Variants in HTT observed in about 807,000 individuals in gnomAD.
HTT encodes huntingtin.
A neutral mutation model predicts 362.3 loss-of-function variants in HTT; 104 were observed. The observed-to-expected ratio is 0.29, with a 90% CI of 0.24 to 0.34. The LOEUF (loss-of-function observed/expected upper bound fraction) is 0.34. Among genes scored for constraint, HTT ranks in the 10% least tolerant of loss-of-function variants. The pLI is 1.00. For missense variants in HTT, 3,301 were observed against 3,928.6 expected, an observed-to-expected ratio of 0.84 and a Z score of 4.27; for synonymous variants, 1,577 against 1,548.7, an observed-to-expected ratio of 1.02 and a Z score of -0.43.
chr4:3,238,730 G>GGGGCCCCC, intron 65 of HTT, 88 bp from the exon 66 acceptor site: 5 of 1,097,024 alleles, frequency 4.6e-6, no homozygotes, highest in Non-Finnish European at 6.6e-6. Context: ...AATGCCTCTG[G>GGGGCCCCC]CCCCCACCCC....
At chr4:3,125,078 A>T (rs548210081) in intron 10 of HTT, among the ~76,000 whole-genome samples, 1 of 152,320 alleles carries the variant, frequency 6.6e-6, no homozygotes, top group South Asian at 2.1e-4. Flanking sequence ...ATTGTTAATC[A>T]TAAAGTCTAG....
chr4:3,167,655 C>A (rs1264230518), intron 29 of HTT, among the ~76,000 whole-genome samples: 1 of 151,584 alleles, frequency 6.6e-6, no homozygotes, highest in Non-Finnish European at 1.5e-5. Context: ...TCAAATGCTG[C>A]CTTATCCAAA....
rs1350549866 is a variant in HTT, at chr4:3,243,796, G to C, written c.*3737G>C. 1 of 152,314 alleles carries C rather than the reference G, an allele frequency of 6.6e-6. No individual in the cohort carries two copies. The allele number at this position is 152,314 out of a possible 1,614,324, so 9.4% of individuals were successfully genotyped here. ...CAGAGGGACTGTCAGCTGAGCTTGA[G>C]CTCCCCTGGAGCCAGCAGGGCTGTG... On this transcript the variant is annotated 3_prime_UTR_variant, in exon 67 of 67. Coordinates refer to ENST00000355072, the MANE Select transcript of HTT (RefSeq NM_001388492.1).
At chr4:3,126,424 A>G (rs1715523605) in intron 11 of HTT, among the ~76,000 whole-genome samples, 1 of 152,216 alleles carries the variant, frequency 6.6e-6, no homozygotes, top group Non-Finnish European at 1.5e-5. Context: ...GAAGGTACTA[A>G]TAACTGGATT....
intron 66 of HTT, 146 bp downstream of exon 66, chr4:3,239,124 G>A: frequency 1.2e-6 from 1 of 839,674 alleles, no homozygotes. Flanking sequence ...GAAGTAAAAT[G>A]CTGACAGGGG....
rs191170220 is a variant in HTT, at chr4:3,218,656, T to C, written c.7242+704T>C. On this transcript the variant is annotated intron_variant, in intron 52 of 66. Transcript: ENST00000355072. This position sits in a 1 kb window ranked among gnomAD's most constrained non-coding sequence, Gnocchi z 4.4. ...TCAAAAAAAAAAAAGGTAGGTGTTATTGATCAGAACCCTTGTTTCAGATAA... is the reference window on the plus strand; with the variant it reads ...TCAAAAAAAAAAAAGGTAGGTGTTACTGATCAGAACCCTTGTTTCAGATAA... Among the ~76,000 whole-genome samples the C allele has an allele frequency of 3.3e-3, 502 of 152,112 alleles. No homozygotes were observed. Among genetic ancestry groups the C allele is most frequent in the South Asian group, 8.9e-3 (43 of 4,820 alleles).
At chr4:3,116,791 G>A (rs1715053626) in intron 8 of HTT, among the ~76,000 whole-genome samples, 1 of 152,194 alleles carries the variant, frequency 6.6e-6, no homozygotes, top group Non-Finnish European at 1.5e-5. Flanking sequence ...TAATTCTAAT[G>A]TACTGTGATT....
At chr4:3,084,386 G>A (rs1713086917) in intron 1 of HTT, among the ~76,000 whole-genome samples, 1 of 151,846 alleles carries the variant, frequency 6.6e-6, no homozygotes, top group African/African-American at 2.4e-5. Context: ...CAACACACAT[G>A]ACATTAAAAC....
chr4:3,192,141 C>T (rs540036088), intron 40 of HTT, among the ~76,000 whole-genome samples: 24 of 152,106 alleles, frequency 1.6e-4, no homozygotes, highest in Non-Finnish European at 3.1e-4. Context: ...AAGTGCAGTG[C>T]GAGGCTCACT....
intron 2 of HTT, among the ~76,000 whole-genome samples, chr4:3,093,296 G>A (rs970912183): frequency 2.6e-5 from 4 of 152,148 alleles, no homozygotes; most frequent in Admixed American, 2.0e-4. Context: ...AGCAGGTAGG[G>A]TACTCAGAAG....
At position 3,217,974 on chromosome 4, in the gene HTT, A is replaced by C. The variant is rs748960586; in HGVS notation, c.7242+22A>C. ...ACTGGTGAGTCTGCTCGTTCCTTGCAGAAGACCAAGTACGGTGAAAGGCAC... is the reference window on the plus strand; with the variant it reads ...ACTGGTGAGTCTGCTCGTTCCTTGCCGAAGACCAAGTACGGTGAAAGGCAC... On this transcript the variant is annotated intron_variant, in intron 52 of 66. Transcript: ENST00000355072. The C allele has an allele frequency of 1.1e-5, 17 of 1,584,978 alleles. No homozygotes were observed. The South Asian group carries it at 1.8e-4, about 17-fold the overall frequency.
Position 3,199,806 on chromosome 4 carries a change from C to T in HTT, c.5443C>T (p.Leu1815=). ...SDGCGGSFYT[L]DSLNLRARSM... ...TGGCTGTGGCGGCAGTTTCTACACC[C>T]TGGACAGCTTGAACTTGCGGGCTCG... Residue 1815 remains leucine, a synonymous_variant, in exon 41 of 67, where the codon CTG becomes TTG. Transcript: ENST00000355072. 1.2e-6 allele frequency: 2 copies of T among 1,614,248 alleles called. No homozygotes were observed.
intron 61 of HTT, among the ~76,000 whole-genome samples, chr4:3,234,785 G>A (rs996315401): frequency 1.3e-5 from 2 of 152,308 alleles, no homozygotes; most frequent in South Asian, 2.1e-4. Flanking sequence ...GGGGGGCATC[G>A]TATTGGCTCC....
intron 1 of HTT, among the ~76,000 whole-genome samples, chr4:3,079,657 A>G (rs1712783218): frequency 1.3e-5 from 2 of 152,342 alleles, no homozygotes; most frequent in Non-Finnish European, 2.9e-5. Context: ...TGTAGATGGA[A>G]TAAAGATATT....
At chr4:3,199,667 C>A in intron 40 of HTT, 65 bp from the exon 41 acceptor site, 2 of 1,404,348 alleles carry the variant, frequency 1.4e-6, no homozygotes, top group Non-Finnish European at 2.0e-6. Context: ...GTAAAATCTT[C>A]GCGTAGCCAT....
chr4:3,238,778 C>T (rs1721665727), intron 65 of HTT, 40 bp from the exon 66 acceptor site: 2 of 1,521,728 alleles, frequency 1.3e-6, no homozygotes, highest in Non-Finnish European at 1.8e-6. Context: ...CTTCCCGTCC[C>T]CCCAGCCCTG....
At position 3,130,413 on chromosome 4, in the gene HTT, A is replaced by G. The variant is rs928865718; in HGVS notation, c.1976A>G (p.Gln659Arg). The G allele has an allele frequency of 1.6e-5, 26 of 1,584,462 alleles. No individual in the cohort carries two copies. The African/African-American group carries it at 3.4e-4, about 21-fold the overall frequency. The stretch of plus-strand genomic sequence containing the variant: ...GATGAAGCTACTGAACCGGGTGATC[A>G]AGAAAACAAGGTGAGGGACATAGGC... Reference protein sequence around the residue: ...LRDEATEPGDQENKPCRIKGD... With the variant: ...LRDEATEPGDRENKPCRIKGD... Residue 659 changes from glutamine to arginine, a missense_variant, in exon 14 of 67, where the codon CAA (glutamine) becomes CGA (arginine). Physicochemically the swap from Gln to Arg is conservative, Grantham distance 43. Coordinates refer to ENST00000355072, the MANE Select transcript of HTT (RefSeq NM_001388492.1).
intron 8 of HTT, among the ~76,000 whole-genome samples, chr4:3,118,742 A>G (rs1016069952): frequency 5.3e-5 from 8 of 152,192 alleles, no homozygotes; most frequent in African/African-American, 1.9e-4. Flanking sequence ...AAGGGTATGG[A>G]TGTGAGACTT....
At position 3,179,786 on chromosome 4, in the gene HTT, G is replaced by A. The variant is rs565039908; in HGVS notation, c.4613-729G>A. ...TGTGAGCGTATGTGTCACTGAGGGG[G>A]TCAGAGTGTGCCTCTGTGTGTGTGC... On this transcript the variant is annotated intron_variant, in intron 35 of 66. Coordinates refer to ENST00000355072, the MANE Select transcript of HTT (RefSeq NM_001388492.1). Among the ~76,000 whole-genome samples, 4 of 150,622 alleles carry A rather than the reference G, an allele frequency of 2.7e-5. No individual in the cohort carries two copies. The South Asian group carries it at 6.5e-4, about 25-fold the overall frequency.
Sources: gnomAD v4.1 joint callset for allele counts (sites outside exome capture counted in the v4.1 genomes callset) on GRCh38, gnomAD v4.1.1 for gene constraint, Gnocchi (gnomAD v3.1) non-coding constraint, MANE v1.5 for transcripts, NCBI Gene and HGNC (gene_info 2026-07-23, HGNC 2026-07-21) for gene names.